Variants in GPHN observed in about 807,000 individuals in gnomAD.
GPHN encodes gephyrin.
Under a neutral mutation model 95.5 loss-of-function variants are expected in GPHN, and 17 were observed. That is an observed-to-expected ratio of 0.18 (90% CI 0.12 to 0.27). The LOEUF (loss-of-function observed/expected upper bound fraction) is 0.27. Among genes scored for constraint, GPHN ranks in the 10% least tolerant of loss-of-function variants. The probability of loss-of-function intolerance (pLI) is 1.00; values close to 1 mark genes in which losing one functional copy is unlikely to be tolerated. For synonymous variants in GPHN, 320 were observed against 322.5 expected (o/e 0.99, Z 0.08); for missense variants, 660 against 978.1 (o/e 0.67, Z 4.34).
Position 66,613,926 on chromosome 14 carries a change from CTTTCA to C in GPHN, c.65-67177_65-67173del, listed in dbSNP as rs1294052462. Among the ~76,000 whole-genome samples the C allele has an allele frequency of 3.3e-5, 5 of 152,184 alleles. No homozygotes were observed. The East Asian group carries it at 7.7e-4, about 24-fold the overall frequency. On this transcript the variant is annotated intron_variant, in intron 1 of 22. Coordinates refer to ENST00000478722, the MANE Select transcript of GPHN (RefSeq NM_020806.5). ...TTCATCAACATTTGATATTATCAGT[CTTTCA>C]TTTTACTCATTGTAGCACTCATTTG...
intron 17 of GPHN, 47 bp from the exon 18 acceptor site, chr14:67,143,315 A>C: frequency 8.1e-7 from 1 of 1,236,584 alleles, no homozygotes; most frequent in Non-Finnish European, 1.2e-6. Context: ...ACTATATCTA[A>C]AATCTTTTCC....
chr14:67,523,082 T>C, the GPHN span, among the ~76,000 whole-genome samples: 1 of 152,180 alleles, frequency 6.6e-6, no homozygotes, highest in Non-Finnish European at 1.5e-5. Flanking sequence ...CCCAGCACTT[T>C]GGGAGGCCAA....
chr14:67,502,703 T>C, the GPHN span, among the ~76,000 whole-genome samples: 1 of 152,162 alleles, frequency 6.6e-6, no homozygotes, highest in East Asian at 2.0e-4. Flanking sequence ...CCACCCACCA[T>C]GGCCTCCCAA....
intron 3 of GPHN, among the ~76,000 whole-genome samples, chr14:66,784,457 T>C (rs1351512846): frequency 6.6e-6 from 1 of 152,148 alleles, no homozygotes; most frequent in Non-Finnish European, 1.5e-5. Flanking sequence ...GCCTGAAATT[T>C]CAGAAAGGAG....
At chr14:66,987,048 C>G (rs936252357) in intron 9 of GPHN, among the ~76,000 whole-genome samples, 1 of 151,954 alleles carries the variant, frequency 6.6e-6, no homozygotes, top group Admixed American at 6.6e-5. Flanking sequence ...GTTATTTCAC[C>G]AAGGATAAGA....
Position 66,849,368 on chromosome 14 carries a change from T to C in GPHN, c.294+24802T>C, listed in dbSNP as rs116832725. 3.0e-3 allele frequency among the ~76,000 whole-genome samples: 455 copies of C among 152,170 alleles called. 3 individuals are homozygous for C. The highest frequency in any genetic ancestry group is 0.011 in the African/African-American group (437 of 41,574). On this transcript the variant is annotated intron_variant, in intron 4 of 22. Coordinates refer to ENST00000478722, the MANE Select transcript of GPHN (RefSeq NM_020806.5). ...CACATTCTCTTTGTATAAATTGTTA[T>C]GTATACTTCTAATGATCACTTTAGA...
the GPHN span, among the ~76,000 whole-genome samples, chr14:67,268,020 T>C: frequency 6.6e-6 from 1 of 152,206 alleles, no homozygotes; most frequent in Non-Finnish European, 1.5e-5. Flanking sequence ...TTATTAATAT[T>C]GCTCCTATGC....
intron 5 of GPHN, among the ~76,000 whole-genome samples, chr14:66,885,190 C>T (rs1179156063): frequency 6.6e-6 from 1 of 151,772 alleles, no homozygotes; most frequent in African/African-American, 2.4e-5. Context: ...TAACCCACAC[C>T]AAATATACTT....
At chr14:67,112,994 T>TGCA in intron 15 of GPHN, 24 bp from the exon 16 acceptor site, 1 of 1,612,084 alleles carries the variant, frequency 6.2e-7, no homozygotes, top group Non-Finnish European at 8.5e-7. Context: ...ATCACACTGC[T>TGCA]TATGGTTCTG....
intron 3 of GPHN, among the ~76,000 whole-genome samples, chr14:66,816,311 T>A (rs4537958): frequency 0.012 from 1,833 of 152,296 alleles, 19 homozygotes; most frequent in Non-Finnish European, 0.018. Context: ...ACCTGATAGA[T>A]ATCTACAGAA....
intron 3 of GPHN, among the ~76,000 whole-genome samples, chr14:66,804,922 C>T (rs10141719): frequency 5.3e-5 from 8 of 152,124 alleles, no homozygotes; most frequent in South Asian, 4.1e-4. Flanking sequence ...AAAAAAGATA[C>T]TTCTGTTTAA....
the GPHN span, among the ~76,000 whole-genome samples, chr14:67,419,836 C>G: frequency 3.3e-5 from 5 of 149,636 alleles, no homozygotes; most frequent in East Asian, 2.0e-4. Flanking sequence ...GAGACAGAGC[C>G]AGCCTCCGTC....
At chr14:66,672,882 G>T (rs1236987008) in intron 1 of GPHN, among the ~76,000 whole-genome samples, 3 of 151,724 alleles carry the variant, frequency 2.0e-5, no homozygotes, top group East Asian at 1.9e-4. Context: ...TTTTTTAATT[G>T]GTGCATTCGG....
chr14:67,592,300 C>A, the GPHN span: 2 of 421,658 alleles, frequency 4.7e-6, no homozygotes, highest in South Asian at 1.9e-5. Flanking sequence ...ATTAGCCAGG[C>A]GAGATGGTGC....
At chr14:67,650,740 T>C in the GPHN span, 1 of 1,613,938 alleles carries the variant, frequency 6.2e-7, no homozygotes, top group Non-Finnish European at 8.5e-7. Context: ...TGGATCTTGT[T>C]GAAGTCAATC....
the GPHN span, chr14:67,204,765 C>CT: frequency 0.023 from 37,423 of 1,613,958 alleles, 593 homozygotes; most frequent in Middle Eastern, 0.033. Context: ...TTACGAATAG[C>CT]ACAGACATCA....
the GPHN span, among the ~76,000 whole-genome samples, chr14:67,697,929 A>G: frequency 6.6e-6 from 1 of 152,234 alleles, no homozygotes; most frequent in Non-Finnish European, 1.5e-5. Flanking sequence ...CCTCCAGAAC[A>G]GGCAAGAATG....
chr14:67,514,501 G>A, the GPHN span, among the ~76,000 whole-genome samples: 5 of 152,128 alleles, frequency 3.3e-5, no homozygotes, highest in African/African-American at 1.2e-4. Context: ...AGTGGAGGGC[G>A]CCTAGGTGTG....
intron 1 of GPHN, among the ~76,000 whole-genome samples, chr14:66,556,633 T>A (rs879129692): frequency 4.6e-5 from 7 of 152,104 alleles, no homozygotes; most frequent in Admixed American, 1.3e-4. Flanking sequence ...GAGAAATGAG[T>A]GTAAGTGATA....
Sources: gnomAD v4.1 joint callset for allele counts (sites outside exome capture counted in the v4.1 genomes callset) on GRCh38, gnomAD v4.1.1 for gene constraint, MANE v1.5 for transcripts, NCBI Gene and HGNC (gene_info 2026-07-23, HGNC 2026-07-21) for gene names.